Variants in MLH3 observed in about 807,000 individuals in gnomAD.
MLH3 encodes the protein DNA mismatch repair protein Mlh3.
Under a neutral mutation model 122.2 loss-of-function variants are expected in MLH3, and 82 were observed. The observed-to-expected ratio is 0.67, with a 90% CI of 0.56 to 0.81. The LOEUF (loss-of-function observed/expected upper bound fraction) is 0.81, where lower values mean the gene tolerates loss of function less well. Ranked by LOEUF, MLH3 falls within the 30% of genes least tolerant of loss-of-function variation. The pLI is 0.00. For synonymous variants in MLH3, 524 were observed against 599.5 expected (o/e 0.87, Z 1.84); for missense variants, 1,539 against 1,714.5 (o/e 0.90, Z 1.81).
In MLH3 at chr14:75,046,939, C is replaced by T; in HGVS notation, c.2717G>A (p.Arg906Lys). Residue 906 changes from arginine to lysine, a missense_variant, in exon 2 of 13, where the codon AGG (arginine) becomes AAG (lysine). Physicochemically the swap from Arg to Lys is conservative, Grantham distance 26. Coordinates refer to ENST00000355774, the MANE Select transcript of MLH3 (RefSeq NM_001040108.2). ...CACACTGCACAACTTGCTGTCTTTC[C>T]TACTGGAATCTGAATTTGGAAGTTC... ...FNELPNSDSS[R>K]KDSKLCSVLT... The T allele has an allele frequency of 3.7e-6, 6 of 1,614,072 alleles. No individual in the cohort carries two copies. The highest frequency in any genetic ancestry group is 5.1e-6 in the Non-Finnish European group (6 of 1,179,992).
At chr14:75,023,298 G>A (rs1006023203) in intron 9 of MLH3, among the ~76,000 whole-genome samples, 1 of 152,210 alleles carries the variant, frequency 6.6e-6, no homozygotes, top group Non-Finnish European at 1.5e-5. Flanking sequence ...TAGCTGGTGA[G>A]AGTAGCCTTG....
intron 12 of MLH3, 74 bp downstream of exon 12, chr14:75,018,755 T>G (rs1198707790): frequency 2.0e-6 from 3 of 1,530,782 alleles, no homozygotes; most frequent in East Asian, 2.2e-5. Context: ...CAGATTACAG[T>G]TGCATAGTAA....
rs144992085 is a variant in MLH3, at chr14:75,016,422, C to G, written c.*660G>C. The G allele has an allele frequency of 1.1e-4, 22 of 192,362 alleles. No homozygotes were observed. The highest frequency in any genetic ancestry group is 3.7e-4 in the Admixed American group (6 of 16,350). The allele number at this position is 192,362 out of a possible 1,614,324, so 11.9% of individuals were successfully genotyped here. On this transcript the variant is annotated 3_prime_UTR_variant, in exon 13 of 13. Coordinates refer to ENST00000355774, the MANE Select transcript of MLH3 (RefSeq NM_001040108.2). ...TCAGTCTCTGAGTTTTTAAAGAAAA[C>G]ATAACAAAAAACCCGGAACAGGACT... is the stretch of plus-strand genomic sequence containing the variant.
intron 6 of MLH3, among the ~76,000 whole-genome samples, chr14:75,034,191 TA>T (rs11296642): frequency 0.97 from 139,259 of 143,786 alleles, 67,499 homozygotes; most frequent in East Asian, 1. Flanking sequence ...GACTCCATCT[TA>T]AAAAAAAAAA....
intron 7 of MLH3, 126 bp from the exon 8 acceptor site, chr14:75,032,305 AT>A (rs964853847): frequency 2.9e-6 from 2 of 699,592 alleles, no homozygotes; most frequent in African/African-American, 1.8e-5. Context: ...TCAGTTTTAG[AT>A]TTTGGATTTC....
At chr14:75,040,777 C>T (rs1891800459) in intron 4 of MLH3, among the ~76,000 whole-genome samples, 1 of 152,156 alleles carries the variant, frequency 6.6e-6, no homozygotes, top group Non-Finnish European at 1.5e-5. Flanking sequence ...CTAATGATAA[C>T]AATTTCATTA....
At position 75,048,111 on chromosome 14, in the gene MLH3, TG is replaced by T. The variant is rs1483695119; in HGVS notation, c.1544del (p.Pro515HisfsTer11). 3.1e-6 allele frequency: 5 copies of T among 1,614,070 alleles called. No individual in the cohort carries two copies. The highest frequency in any genetic ancestry group is 4.2e-6 in the Non-Finnish European group (5 of 1,180,026). On this transcript the variant is annotated frameshift_variant, in exon 2 of 13. Transcript: ENST00000355774. LOFTEE classifies it high-confidence loss of function. ...LEMFLSPFQT[P>X]CHFEESGQDL... is the part of the protein sequence containing the mutation. ...CCTGCCCACTCTCCTCAAAGTGACA[TG>T]GTGTCTGAAAAGGGCTTAAAAACAT...
At chr14:75,050,206 T>G (rs1481329072) in intron 1 of MLH3, among the ~76,000 whole-genome samples, 1 of 152,136 alleles carries the variant, frequency 6.6e-6, no homozygotes, top group Admixed American at 6.5e-5. Flanking sequence ...AGGAAGAAAT[T>G]TTAAGAATCA....
chr14:75,020,322 T>C (rs1890195294), intron 11 of MLH3, among the ~76,000 whole-genome samples: 1 of 152,178 alleles, frequency 6.6e-6, no homozygotes, highest in South Asian at 2.1e-4. Context: ...TTGACACATT[T>C]TAGTTAGAAG....
intron 6 of MLH3, chr14:75,036,717 C>T (rs1393387031): frequency 1.8e-5 from 8 of 455,986 alleles, no homozygotes; most frequent in East Asian, 6.9e-5. Flanking sequence ...GCCTGCAACA[C>T]GGGTCCTGCA....
intron 9 of MLH3, 112 bp downstream of exon 9, chr14:75,030,431 G>C (rs1411545061): frequency 9.0e-7 from 1 of 1,114,520 alleles, no homozygotes; most frequent in Non-Finnish European, 1.4e-6. Flanking sequence ...GCACACCGCA[G>C]GTAAATACCA....
Position 75,047,707 on chromosome 14 carries a change from A to G in MLH3, c.1949T>C (p.Val650Ala). The change falls in exon 2 of 13, where the codon GTT becomes GCT. Residue 650 changes from valine to alanine, a missense_variant. By Grantham distance (64) the Val-to-Ala change is moderately conservative (BLOSUM62 0). Coordinates refer to ENST00000355774, the MANE Select transcript of MLH3 (RefSeq NM_001040108.2). ...TAAATCTTTGATGTCTGGAGTTTCA[A>G]CTGAATGACGTGTTCTATTTCCAAA... Reference protein sequence around the residue: ...ETFGNRTRHSVETPDIKDLAS... With the variant: ...ETFGNRTRHSAETPDIKDLAS... 1 of 1,614,126 alleles carries G rather than the reference A, an allele frequency of 6.2e-7. No individual in the cohort carries two copies. The highest frequency in any genetic ancestry group is 8.5e-7 in the Non-Finnish European group (1 of 1,180,014).
At chr14:75,030,837 C>A in intron 8 of MLH3, 135 bp from the exon 9 acceptor site, 1 of 722,550 alleles carries the variant, frequency 1.4e-6, no homozygotes. Context: ...TTTTCTCACA[C>A]TTATGTGTGG....
In MLH3 at chr14:75,014,447, C is replaced by G. The variant is rs965676554; in HGVS notation, c.*2635G>C. On this transcript the variant is annotated 3_prime_UTR_variant, in exon 13 of 13. Coordinates refer to ENST00000355774, the MANE Select transcript of MLH3 (RefSeq NM_001040108.2). ...CTGATACTAGCTCCTATTACCATCT[C>G]TAGTCTTAATTCTGATAGTGGGACT... 2.7e-5 allele frequency: 5 copies of G among 183,870 alleles called. No homozygotes were observed. The highest frequency in any genetic ancestry group is 1.2e-4 in the Admixed American group (2 of 16,030). The allele number at this position is 183,870 out of a possible 1,614,324, so 11.4% of individuals were successfully genotyped here.
At chr14:75,031,758 G>A (rs1229633691) in intron 8 of MLH3, among the ~76,000 whole-genome samples, 1 of 152,218 alleles carries the variant, frequency 6.6e-6, no homozygotes, top group Non-Finnish European at 1.5e-5. Context: ...AGGTTGCAGT[G>A]AGCAGAGATT....
At position 75,017,407 on chromosome 14, in the gene MLH3, G is replaced by T. The variant is rs146805016; in HGVS notation, c.4243-206C>A. Among the ~76,000 whole-genome samples the T allele has an allele frequency of 9.5e-3, 1,451 of 152,248 alleles. 49 individuals are homozygous for T. The highest frequency in any genetic ancestry group is 0.065 in the Admixed American group (997 of 15,276). ...CAAAAAAAAATTAGCCGGGTGTGGT[G>T]GCGCATGCCTATAATCCCAGCTACT... On this transcript the variant is annotated intron_variant, in intron 12 of 12. Transcript: ENST00000355774.
chr14:75,029,140 A>G (rs1226236794), intron 9 of MLH3, among the ~76,000 whole-genome samples: 1 of 144,392 alleles, frequency 6.9e-6, no homozygotes, highest in Admixed American at 7.1e-5. Context: ...TCGCAAAAAA[A>G]AAAAAAAAAG....
At position 75,048,575 on chromosome 14, in the gene MLH3, C is replaced by T; in HGVS notation, c.1081G>A (p.Asp361Asn). The T allele has an allele frequency of 6.2e-7, 1 of 1,613,906 alleles. No homozygotes were observed. The highest frequency in any genetic ancestry group is 1.1e-5 in the South Asian group (1 of 91,066). ...EKLFVELSGE[D>N]IKEFSEDNGF... The stretch of plus-strand genomic sequence containing the variant: ...TTATCTTCACTAAATTCCTTAATAT[C>T]CTCACCTGATAATTCCACAAATAAT... The change falls in exon 2 of 13, where the codon GAT (aspartate) becomes AAT (asparagine). Residue 361 changes from aspartate (D) to asparagine (N), a missense_variant. Physicochemically the swap from Asp to Asn is conservative, Grantham distance 23. Transcript: ENST00000355774.
chr14:75,049,017 T>C lies in MLH3; in HGVS notation c.639A>G (p.Gln213=). Residue 213 remains glutamine, a synonymous_variant, in exon 2 of 13, where the codon CAA becomes CAG. Coordinates refer to ENST00000355774, the MANE Select transcript of MLH3 (RefSeq NM_001040108.2). ...KTKDVCSRFC[Q]IYGLGKSQKL... ...TTTGGGACTTTCCCAATCCATAAATTTGACAAAATCGGGAACATACGTCTT... is the reference window on the plus strand; with the variant it reads ...TTTGGGACTTTCCCAATCCATAAATCTGACAAAATCGGGAACATACGTCTT... 6.2e-7 allele frequency: 1 copy of C among 1,614,146 alleles called. No homozygotes were observed. The highest frequency in any genetic ancestry group is 8.5e-7 in the Non-Finnish European group (1 of 1,180,028).
Sources: gnomAD v4.1 joint callset for allele counts (sites outside exome capture counted in the v4.1 genomes callset) on GRCh38, gnomAD v4.1.1 for gene constraint, MANE v1.5 for transcripts, NCBI Gene and HGNC (gene_info 2026-07-23, HGNC 2026-07-21) for gene names.